Variants in HP1BP3 observed in about 807,000 individuals in gnomAD.
HP1BP3 encodes heterochromatin protein 1 binding protein 3.
In HP1BP3, 12 loss-of-function variants were observed where a neutral mutation model predicts 62.5. The observed-to-expected ratio is 0.19, with a 90% confidence interval of 0.12 to 0.31. The LOEUF is 0.31. Among genes scored for constraint, HP1BP3 ranks in the 10% least tolerant of loss-of-function variants. The pLI, the probability that HP1BP3 is intolerant of heterozygous loss-of-function variation, is 1.00. For synonymous variants in HP1BP3, 260 were observed against 237.8 expected (o/e 1.09, Z -0.86); for missense variants, 502 against 651.8 (o/e 0.77, Z 2.50).
chr1:20,754,469 G>T (rs1054906688), intron 9 of HP1BP3, among the ~76,000 whole-genome samples: 2 of 150,536 alleles, frequency 1.3e-5, no homozygotes, highest in African/African-American at 4.9e-5. Context: ...CTGTTTTTTT[G>T]GTTTTTTTTT....
intron 8 of HP1BP3, among the ~76,000 whole-genome samples, chr1:20,758,904 C>T (rs1019903613): frequency 3.9e-5 from 6 of 151,932 alleles, no homozygotes; most frequent in African/African-American, 1.5e-4. Flanking sequence ...CCTCCCGCTT[C>T]GGCCTCCCAA....
At chr1:20,765,182 A>C (rs2056716976) in intron 8 of HP1BP3, among the ~76,000 whole-genome samples, 195 bp downstream of exon 8, 1 of 151,496 alleles carries the variant, frequency 6.6e-6, no homozygotes, top group African/African-American at 2.4e-5. Context: ...AACTAAAAAA[A>C]AAAAAAAAAA....
At chr1:20,784,396 AC>A (rs923582861) in intron 1 of HP1BP3, among the ~76,000 whole-genome samples, 15 of 152,218 alleles carry the variant, frequency 9.9e-5, no homozygotes, top group African/African-American at 3.4e-4. Flanking sequence ...ATGCCTAAGA[AC>A]ATACCAGGCA....
intron 1 of HP1BP3, among the ~76,000 whole-genome samples, chr1:20,784,447 T>C (rs1159063931): frequency 6.6e-6 from 1 of 151,080 alleles, no homozygotes; most frequent in Non-Finnish European, 1.5e-5. Context: ...AACTAAAGGA[T>C]GAACAAATAA....
chr1:20,776,025 A>T (rs1199243650), intron 4 of HP1BP3: 7 of 1,489,344 alleles, frequency 4.7e-6, no homozygotes, highest in Non-Finnish European at 4.5e-6. Flanking sequence ...AAAAAAAAAA[A>T]AAATTAAAAA....
intron 3 of HP1BP3, among the ~76,000 whole-genome samples, chr1:20,777,648 C>A (rs2057363445): frequency 6.6e-6 from 1 of 152,044 alleles, no homozygotes. Context: ...TTAGTAGTGA[C>A]AGGGTTTCAT....
At chr1:20,776,343 A>G (rs1379101989) in intron 4 of HP1BP3, 2 of 429,502 alleles carry the variant, frequency 4.7e-6, no homozygotes, top group African/African-American at 4.1e-5. Context: ...ATAAATTACA[A>G]GCTCAAAAAC....
intron 1 of HP1BP3, among the ~76,000 whole-genome samples, chr1:20,785,661 A>C (rs1000156260): frequency 1.3e-5 from 2 of 152,230 alleles, no homozygotes; most frequent in Admixed American, 1.3e-4. Flanking sequence ...TAACTGGGTA[A>C]GGAGTTAAAA....
At chr1:20,760,917 C>T (rs776169012) in intron 8 of HP1BP3, among the ~76,000 whole-genome samples, 4 of 152,136 alleles carry the variant, frequency 2.6e-5, no homozygotes, top group Non-Finnish European at 5.9e-5. Context: ...ATGGTAAGAA[C>T]ATACTGAAAG....
At chr1:20,780,197 G>A (rs892572061) in intron 2 of HP1BP3, 148 bp downstream of exon 2, 2 of 638,858 alleles carry the variant, frequency 3.1e-6, no homozygotes, top group South Asian at 2.0e-5. Flanking sequence ...TGAGGGGAAA[G>A]GGAAGATGAA....
rs565996658 is a variant in HP1BP3 at position 20,742,222 on chromosome 1, A to G, written c.*2575T>C. On this transcript the variant is annotated 3_prime_UTR_variant, in exon 13 of 13. Transcript: ENST00000438032. ...CCAACTTTTGATTCCAGAAGAGTAC[A>G]GAATTCTGAGCACAGGTACCTAACA... Among the ~76,000 whole-genome samples, 8 of 152,352 alleles carry G rather than the reference A, an allele frequency of 5.3e-5. No individual in the cohort carries two copies. The South Asian group carries it at 1.4e-3, about 28-fold the overall frequency.
At chr1:20,770,667 G>T (rs1243471379) in intron 6 of HP1BP3, among the ~76,000 whole-genome samples, 1 of 152,002 alleles carries the variant, frequency 6.6e-6, no homozygotes, top group Non-Finnish European at 1.5e-5. Context: ...CATGTTCAGT[G>T]CTACATGATT....
intron 11 of HP1BP3, among the ~76,000 whole-genome samples, chr1:20,746,526 T>A (rs935108798): frequency 2.0e-5 from 3 of 152,228 alleles, no homozygotes; most frequent in Admixed American, 6.5e-5. Context: ...TAGTGGTATA[T>A]GTTATGTACT....
chr1:20,760,246 A>AG (rs2056388263), intron 8 of HP1BP3, among the ~76,000 whole-genome samples: 2 of 152,140 alleles, frequency 1.3e-5, no homozygotes, highest in Admixed American at 1.3e-4. Context: ...TTGAGTAGAA[A>AG]GGCGACATGA....
At chr1:20,765,665 G>A (rs1028271110) in intron 7 of HP1BP3, 134 bp from the exon 8 acceptor site, 1 of 694,238 alleles carries the variant, frequency 1.4e-6, no homozygotes, top group African/African-American at 1.8e-5. Flanking sequence ...ATTTTCAATG[G>A]ACAGCATTAA....
intron 2 of HP1BP3, 26 bp from the exon 3 acceptor site, chr1:20,779,937 A>C (rs775371380): frequency 6.4e-7 from 1 of 1,560,514 alleles, no homozygotes; most frequent in South Asian, 1.2e-5. Context: ...GCCATAATCA[A>C]ACATGCATTA....
chr1:20,764,872 T>C (rs1009218515), intron 8 of HP1BP3, among the ~76,000 whole-genome samples: 1 of 147,562 alleles, frequency 6.8e-6, no homozygotes. Flanking sequence ...CAAGACTTCA[T>C]CTCAAAAAAA....
At chr1:20,756,551 CAGAG>C (rs1244426663) in intron 9 of HP1BP3, among the ~76,000 whole-genome samples, 1 of 152,074 alleles carries the variant, frequency 6.6e-6, no homozygotes, top group East Asian at 1.9e-4. Context: ...GCCTGGGAAA[CAGAG>C]AGAAACACTG....
At chr1:20,762,267 A>ATAAT (rs2056526218) in intron 8 of HP1BP3, among the ~76,000 whole-genome samples, 1 of 152,254 alleles carries the variant, frequency 6.6e-6, no homozygotes, top group African/African-American at 2.4e-5. Flanking sequence ...CAGGTTCATT[A>ATAAT]GCACCTTTGG....
Sources: allele counts gnomAD v4.1 joint callset (sites outside exome capture counted in the v4.1 genomes callset), GRCh38; gene constraint gnomAD v4.1.1; transcripts MANE v1.5; gene names NCBI Gene and HGNC (gene_info 2026-07-23, HGNC 2026-07-21).